Variants in TLX1 observed in about 807,000 individuals in gnomAD.
The protein encoded by TLX1 is T cell leukemia homeobox 1.
In TLX1, 6 loss-of-function variants were observed where a neutral mutation model predicts 26.5. The ratio of observed to expected loss-of-function variants is 0.23; its 90% CI spans 0.12 to 0.45. TLX1 has a LOEUF of 0.45. TLX1 is among the 20% of genes least tolerant of loss of function. The pLI is 0.99. For synonymous variants in TLX1, 217 were observed against 219.7 expected, an observed-to-expected ratio of 0.99 and a Z score of 0.11; for missense variants, 418 against 482.6, an observed-to-expected ratio of 0.87 and a Z score of 1.25.
Position 101,131,979 on chromosome 10 carries a change from C to A in TLX1, c.438C>A (p.His146Gln), listed in dbSNP as rs747350090. The A allele has an allele frequency of 1.3e-6, 2 of 1,519,502 alleles. No homozygotes were observed. Among genetic ancestry groups the A allele is most frequent in the South Asian group, 1.2e-5 (1 of 81,110 alleles). 94.1% of individuals were successfully genotyped at this position (1,519,502 alleles called of 1,614,324 possible). The change falls in exon 1 of 3, where the codon CAC becomes CAA. Residue 146 changes from histidine to glutamine, a missense_variant. His to Gln is a conservative substitution (Grantham distance 24, BLOSUM62 0). This residue lies in a region of TLX1 where 322 missense variants were observed against 344.6 expected (regional missense o/e 0.93). Transcript: ENST00000370196. ...AHRPLAGAVA[H>Q]PQPLATGLPT... Reference sequence around the variant, plus strand: ...GGCCGCTCGCCGGAGCCGTGGCCCACCCCCAGCCCCTGGCCACCGGCTTGC... The same window carrying A: ...GGCCGCTCGCCGGAGCCGTGGCCCAACCCCAGCCCCTGGCCACCGGCTTGC...
intron 1 of TLX1, among the ~76,000 whole-genome samples, chr10:101,133,457 G>A (rs1474218430): frequency 6.6e-6 from 1 of 152,200 alleles, no homozygotes; most frequent in African/African-American, 2.4e-5. Context: ...GGGGCAGCAG[G>A]GCCTGGTGCC....
chr10:101,135,700 CA>C (rs1406057247), intron 2 of TLX1, among the ~76,000 whole-genome samples: 4 of 152,120 alleles, frequency 2.6e-5, no homozygotes, highest in African/African-American at 9.7e-5. Context: ...GAAAAACAGG[CA>C]GCCTGCAGAA....
chr10:101,131,439 C>G lies in TLX1; in HGVS notation c.-103C>G, dbSNP rs1940167064. 1 of 950,136 alleles carries G rather than the reference C, an allele frequency of 1.1e-6. No homozygotes were observed. The highest frequency in any genetic ancestry group is 1.7e-5 in the African/African-American group (1 of 57,806). The allele number at this position is 950,136 out of a possible 1,614,324, so 58.9% of individuals were successfully genotyped here. A position where few individuals can be genotyped will look rare whatever the true frequency, so the allele number is the denominator to read the frequency against. On this transcript the variant is annotated 5_prime_UTR_variant, in exon 1 of 3. Coordinates refer to ENST00000370196, the MANE Select transcript of TLX1 (RefSeq NM_005521.4). ...TGCGCACTTCGCTTCCAAGTCTCCG[C>G]GCAGCCAGGAGCCGCTGTTGCCTCC...
At position 101,137,530 on chromosome 10, in the gene TLX1, C is replaced by A. The variant is rs1470108138; in HGVS notation, c.*617C>A. ...GCACAAACACAAGGTCATGGCCACA[C>A]TGTGACACACTACACCACACACAAC... On this transcript the variant is annotated 3_prime_UTR_variant, in exon 3 of 3. Transcript: ENST00000370196. 3.8e-5 allele frequency: 9 copies of A among 236,480 alleles called. No homozygotes were observed. The highest frequency in any genetic ancestry group is 4.2e-5 in the Non-Finnish European group (5 of 120,278). The allele number at this position is 236,480 out of a possible 1,614,324, so 14.6% of individuals were successfully genotyped here.
chr10:101,131,613 C>A lies in TLX1; in HGVS notation c.72C>A (p.Ile24=). The A allele has an allele frequency of 6.4e-7, 1 of 1,567,250 alleles. No homozygotes were observed. The highest frequency in any genetic ancestry group is 8.6e-7 in the Non-Finnish European group (1 of 1,159,838). The change falls in exon 1 of 3, where the codon ATC becomes ATA. Residue 24 remains isoleucine (I), a synonymous_variant. Transcript: ENST00000370196. Reference sequence around the variant, plus strand: ...CCATTAGCTTCGGCATCGACCAGATCCTCAACAGCCCGGACCAGGGTGGCT... The same window carrying A: ...CCATTAGCTTCGGCATCGACCAGATACTCAACAGCCCGGACCAGGGTGGCT... ...AEPISFGIDQ[I]LNSPDQGGCM...
At position 101,136,760 on chromosome 10, in the gene TLX1, G is replaced by A; in HGVS notation, c.840G>A (p.Gln280=). The A allele has an allele frequency of 6.2e-7, 1 of 1,613,302 alleles. No individual in the cohort carries two copies. Among genetic ancestry groups the A allele is most frequent in the Non-Finnish European group, 8.5e-7 (1 of 1,180,006 alleles). Residue 280 remains glutamine, a synonymous_variant, in exon 3 of 3, where the codon CAG becomes CAA. Coordinates refer to ENST00000370196, the MANE Select transcript of TLX1 (RefSeq NM_005521.4). The part of the protein sequence containing the change: ...QANRILLQLQ[Q]EAFQKSLAQP... Reference sequence around the variant, plus strand: ...ACCGCATCCTCCTGCAGTTGCAGCAGGAGGCCTTCCAGAAGAGCCTGGCAC... The same window carrying A: ...ACCGCATCCTCCTGCAGTTGCAGCAAGAGGCCTTCCAGAAGAGCCTGGCAC...
At chr10:101,136,574 G>C (rs985677478) in intron 2 of TLX1, 117 bp from the exon 3 acceptor site, 12 of 1,566,258 alleles carry the variant, frequency 7.7e-6, no homozygotes, top group East Asian at 2.2e-5. Flanking sequence ...CTGGATTTGG[G>C]GACTGCAAAG....
chr10:101,136,092 G>A (rs1350071246), intron 2 of TLX1, among the ~76,000 whole-genome samples: 1 of 152,222 alleles, frequency 6.6e-6, no homozygotes, highest in East Asian at 1.9e-4. Context: ...TGGAGGGGCG[G>A]CAGTAAATGG....
chr10:101,133,378 G>A (rs943075001), intron 1 of TLX1, among the ~76,000 whole-genome samples: 1 of 152,210 alleles, frequency 6.6e-6, no homozygotes. Flanking sequence ...CAGTTGCTTG[G>A]GTCTAGGCCT....
Position 101,136,733 on chromosome 10 carries a change from G to T in TLX1, c.813G>T (p.Ala271=). Residue 271 remains alanine, a synonymous_variant, in exon 3 of 3, where the codon GCG becomes GCT. Transcript: ENST00000370196. ...AEEREAERQQ[A]NRILLQLQQE... ...AACGGGAGGCCGAGAGGCAGCAAGC[G>T]AACCGCATCCTCCTGCAGTTGCAGC... is the stretch of plus-strand genomic sequence containing the variant. 1 of 1,613,112 alleles carries T rather than the reference G, an allele frequency of 6.2e-7. No individual in the cohort carries two copies. The highest frequency in any genetic ancestry group is 8.5e-7 in the Non-Finnish European group (1 of 1,179,992).
chr10:101,134,151 C>G (rs746614220), intron 1 of TLX1, 24 bp from the exon 2 acceptor site: 19 of 1,574,144 alleles, frequency 1.2e-5, no homozygotes, highest in Non-Finnish European at 1.5e-5. Context: ...GCCCTCTCAC[C>G]CTTCACTGTA....
In TLX1 at chr10:101,136,710, C is replaced by T. The variant is rs1477086897; in HGVS notation, c.790C>T (p.Arg264Trp). Residue 264 changes from arginine (R) to tryptophan (W), a missense_variant, in exon 3 of 3, where the codon CGG becomes TGG. By Grantham distance (101) the Arg-to-Trp change is moderately radical. Coordinates refer to ENST00000370196, the MANE Select transcript of TLX1 (RefSeq NM_005521.4). ...GTGCAGACGGCAGACTGCGGAGGAA[C>T]GGGAGGCCGAGAGGCAGCAAGCGAA... Reference protein sequence around the residue: ...TKWRRQTAEEREAERQQANRI... With the variant: ...TKWRRQTAEEWEAERQQANRI... 1 of 1,612,776 alleles carries T rather than the reference C, an allele frequency of 6.2e-7. No homozygotes were observed. The highest frequency in any genetic ancestry group is 8.5e-7 in the Non-Finnish European group (1 of 1,179,974).
At position 101,136,671 on chromosome 10, in the gene TLX1, A is replaced by G; in HGVS notation, c.771-20A>G. Reference sequence around the variant, plus strand: ...GCTGGGTCGGTGCTCCTGGCAGGTAACGGCTTGTTCCCGGTGCAGACGGCA... The same window carrying G: ...GCTGGGTCGGTGCTCCTGGCAGGTAGCGGCTTGTTCCCGGTGCAGACGGCA... On this transcript the variant is annotated intron_variant, in intron 2 of 2. Transcript: ENST00000370196. The G allele has an allele frequency of 6.2e-7, 1 of 1,612,498 alleles. No homozygotes were observed. The highest frequency in any genetic ancestry group is 8.5e-7 in the Non-Finnish European group (1 of 1,179,880).
chr10:101,136,985 C>T lies in TLX1; in HGVS notation c.*72C>T, dbSNP rs1272927787. ...CTGAGGCCTGAGACCCAGGACTCCT[C>T]CCCACCCTCCTGGCCTCAGACTGCA... On this transcript the variant is annotated 3_prime_UTR_variant, in exon 3 of 3. Transcript: ENST00000370196. 3 of 1,560,664 alleles carry T rather than the reference C, an allele frequency of 1.9e-6. No homozygotes were observed. Among genetic ancestry groups the T allele is most frequent in the Non-Finnish European group, 2.6e-6 (3 of 1,147,982 alleles).
Position 101,131,742 on chromosome 10 carries a change from G to A in TLX1, c.201G>A (p.Gly67=). 1.4e-6 allele frequency: 2 copies of A among 1,430,076 alleles called. No homozygotes were observed. Among genetic ancestry groups the A allele is most frequent in the African/African-American group, 1.5e-5 (1 of 66,550 alleles). The allele number at this position is 1,430,076 out of a possible 1,614,324, so 88.6% of individuals were successfully genotyped here. A position where few individuals can be genotyped will look rare whatever the true frequency, so the allele number is the denominator to read the frequency against. Residue 67 remains glycine, a synonymous_variant, in exon 1 of 3, where the codon GGG becomes GGA. Coordinates refer to ENST00000370196, the MANE Select transcript of TLX1 (RefSeq NM_005521.4). ...GCGGGGGCTCCGCGGCCGCGACGGG[G>A]GCTGGAGGAGCGGGGGCCTATGGTA... ...YGGGGSAAAT[G]AGGAGAYGTG... is the part of the protein sequence containing the mutation.
At position 101,131,722 on chromosome 10, in the gene TLX1, G is replaced by A; in HGVS notation, c.181G>A (p.Gly61Ser). Reference protein sequence around the residue: ...VGGAYTYGGGGSAAATGAGGA... With the variant: ...VGGAYTYGGGSSAAATGAGGA... Reference sequence around the variant, plus strand: ...AGGCGCCTACACTTACGGCGGCGGGGGCTCCGCGGCCGCGACGGGGGCTGG... The same window carrying A: ...AGGCGCCTACACTTACGGCGGCGGGAGCTCCGCGGCCGCGACGGGGGCTGG... The change falls in exon 1 of 3, where the codon GGC becomes AGC. Residue 61 changes from glycine (G) to serine (S), a missense_variant. Coordinates refer to ENST00000370196, the MANE Select transcript of TLX1 (RefSeq NM_005521.4). 1 of 1,458,622 alleles carries A rather than the reference G, an allele frequency of 6.9e-7. No individual in the cohort carries two copies. Among genetic ancestry groups the A allele is most frequent in the Non-Finnish European group, 9.0e-7 (1 of 1,111,522 alleles). 90.4% of individuals were successfully genotyped at this position (1,458,622 alleles called of 1,614,324 possible).
intron 1 of TLX1, 138 bp from the exon 2 acceptor site, chr10:101,134,037 G>T: frequency 1.3e-6 from 1 of 779,916 alleles, no homozygotes; most frequent in South Asian, 1.8e-5. Context: ...CCTGCTCGTG[G>T]GGGTTCAGCT....
chr10:101,135,590 G>A (rs1228460463), intron 2 of TLX1: 2 of 152,542 alleles, frequency 1.3e-5, no homozygotes, highest in East Asian at 1.9e-4. Flanking sequence ...CCAGAGAGAG[G>A]GGCACAGAGA....
Position 101,137,112 on chromosome 10 carries a change from C to A in TLX1, c.*199C>A. On this transcript the variant is annotated 3_prime_UTR_variant, in exon 3 of 3. Coordinates refer to ENST00000370196, the MANE Select transcript of TLX1 (RefSeq NM_005521.4). ...GAAGAGCTCAAGGGACAAGGACACG[C>A]GCCCCCCTCCCAGAGGCGTCCCGCA... 1.5e-6 allele frequency: 1 copy of A among 655,510 alleles called. No individual in the cohort carries two copies. 40.6% of individuals were successfully genotyped at this position (655,510 alleles called of 1,614,324 possible). A position where few individuals can be genotyped will look rare whatever the true frequency, so the allele number is the denominator to read the frequency against.
Sources: gnomAD v4.1 joint callset for allele counts (sites outside exome capture counted in the v4.1 genomes callset) on GRCh38, gnomAD v4.1.1 for gene constraint, gnomAD v4.1.1 regional missense constraint, MANE v1.5 for transcripts, NCBI Gene and HGNC (gene_info 2026-07-23, HGNC 2026-07-21) for gene names.